The following AKAP13 variants were observed in gnomAD, a reference collection of about 807,000 sequenced individuals.
AKAP13 encodes A-kinase anchoring protein 13.
AKAP13 carries 80 observed loss-of-function variants against 264.5 expected under a neutral mutation model. The ratio of observed to expected loss-of-function variants is 0.30; its 90% confidence interval spans 0.25 to 0.36. The LOEUF (loss-of-function observed/expected upper bound fraction) is 0.36, where lower values mean the gene tolerates loss of function less well. Ranked by LOEUF, AKAP13 falls within the 10% of genes least tolerant of loss-of-function variation. The pLI is 1.00. For synonymous variants in AKAP13, 1,380 were observed against 1,250.2 expected (o/e 1.10, Z -2.19); for missense variants, 3,712 against 3,435.2 (o/e 1.08, Z -2.01).
rs146115074 is a variant in AKAP13, at chr15:85,543,936, C to G, written c.643C>G (p.Leu215Val). ...SLALERGYHK[L>V]HQLLTEENAG... ...GGCCTTGGAGCGAGGCTATCACAAG[C>G]TGCACCAGCTTCTAACCGAGTAAGT... Residue 215 changes from leucine to valine, a missense_variant, in exon 5 of 37, where the codon CTG becomes GTG. By Grantham distance (32) the Leu-to-Val change is conservative (BLOSUM62 1). This residue lies in a region of AKAP13 where 2,759 missense variants were observed against 2,411.7 expected (regional missense o/e 1.14). Coordinates refer to ENST00000394518, the MANE Select transcript of AKAP13 (RefSeq NM_007200.5). 5.0e-4 allele frequency: 805 copies of G among 1,612,866 alleles called. No homozygotes were observed. Among genetic ancestry groups the G allele is most frequent in the Non-Finnish European group, 6.1e-4 (721 of 1,179,034 alleles).
intron 23 of AKAP13, among the ~76,000 whole-genome samples, chr15:85,719,982 C>G (rs894399003): frequency 1.3e-5 from 2 of 151,822 alleles, no homozygotes; most frequent in Non-Finnish European, 2.9e-5. Flanking sequence ...CCTGTAATCC[C>G]AACAGTTCGG....
chr15:85,628,022 T>C (rs913772819), intron 8 of AKAP13, among the ~76,000 whole-genome samples: 1 of 152,216 alleles, frequency 6.6e-6, no homozygotes, highest in Non-Finnish European at 1.5e-5. Context: ...CTGGGGACTT[T>C]CTTTTGTGGA....
At position 85,613,691 on chromosome 15, in the gene AKAP13, A is replaced by AAAAAAT. The variant is rs1313187436; in HGVS notation, c.4162-25682_4162-25681insAAAATA. Among the ~76,000 whole-genome samples the AAAAAAT allele has an allele frequency of 3.8e-3, 351 of 91,956 alleles. 5 individuals are homozygous for AAAAAAT. The highest frequency in any genetic ancestry group is 5.8e-3 in the South Asian group (16 of 2,748). 60.3% of individuals were successfully genotyped at this position (91,956 alleles called of 152,430 possible). A position where few individuals can be genotyped will look rare whatever the true frequency, so the allele number is the denominator to read the frequency against. On this transcript the variant is annotated intron_variant, in intron 8 of 36. Transcript: ENST00000394518. ...GCCAGACTCCGTCTAAAAAAAAAAA[A>AAAAAAT]ATATATATATATATATATATATTAG...
At chr15:85,628,438 A>G (rs1467622247) in intron 8 of AKAP13, among the ~76,000 whole-genome samples, 2 of 152,182 alleles carry the variant, frequency 1.3e-5, no homozygotes, top group African/African-American at 2.4e-5. Context: ...GAAGCCCCGA[A>G]TTATCGGAAA....
intron 1 of AKAP13, among the ~76,000 whole-genome samples, chr15:85,417,762 T>C (rs998278753): frequency 3.3e-5 from 5 of 152,190 alleles, no homozygotes; most frequent in African/African-American, 1.2e-4. Flanking sequence ...ATTCTAGTTT[T>C]ACAGATGGAG....
intron 23 of AKAP13, among the ~76,000 whole-genome samples, chr15:85,720,965 A>G (rs1019758326): frequency 5.9e-5 from 9 of 152,230 alleles, no homozygotes; most frequent in African/African-American, 2.2e-4. Flanking sequence ...CAACAGATAG[A>G]GCTCAAAATT....
At chr15:85,670,277 G>C (rs1057199135) in intron 14 of AKAP13, among the ~76,000 whole-genome samples, 1 of 151,844 alleles carries the variant, frequency 6.6e-6, no homozygotes, top group Non-Finnish European at 1.5e-5. Flanking sequence ...TGAAACACTT[G>C]AGAGAATAAG....
intron 5 of AKAP13, among the ~76,000 whole-genome samples, chr15:85,560,129 A>T (rs1347282746): frequency 9.8e-4 from 2 of 2,050 alleles, no homozygotes; most frequent in East Asian, 0.023. Context: ...GTCTCCACCT[A>T]AAAAAAAAAA....
intron 4 of AKAP13, chr15:85,534,193 G>T: frequency 2.6e-6 from 1 of 383,910 alleles, no homozygotes; most frequent in Non-Finnish European, 4.6e-6. Flanking sequence ...GAGGAGAGTA[G>T]CAGAGTTACT....
In AKAP13 at chr15:85,521,419, C is replaced by G; in HGVS notation, c.34-9C>G. The G allele has an allele frequency of 6.2e-7, 1 of 1,612,864 alleles. No individual in the cohort carries two copies. The highest frequency in any genetic ancestry group is 8.5e-7 in the Non-Finnish European group (1 of 1,179,424). On this transcript the variant is annotated splice_polypyrimidine_tract_variant and intron_variant, in intron 2 of 36. Transcript: ENST00000394518. ...TAATGTAAACTTGCTATATTGTTTC[C>G]TTTCCTAGGGTGATTGTGTTGTTAC...
At chr15:85,604,460 C>T (rs1436429101) in intron 8 of AKAP13, among the ~76,000 whole-genome samples, 1 of 150,870 alleles carries the variant, frequency 6.6e-6, no homozygotes, top group Non-Finnish European at 1.5e-5. Context: ...GCTGCTGCTG[C>T]TGCTGCTTTT....
At chr15:85,382,613 T>G (rs2070343024) in intron 1 of AKAP13, among the ~76,000 whole-genome samples, 1 of 152,190 alleles carries the variant, frequency 6.6e-6, no homozygotes, top group South Asian at 2.1e-4. Flanking sequence ...CTCTGGGCGG[T>G]GATGGCATGT....
chr15:85,427,829 A>G (rs2072865251), intron 1 of AKAP13, among the ~76,000 whole-genome samples: 1 of 152,192 alleles, frequency 6.6e-6, no homozygotes, highest in Non-Finnish European at 1.5e-5. Context: ...CAGAGTTGCT[A>G]AGTTGATCTT....
In AKAP13 at chr15:85,727,584, G is replaced by C. The variant is rs918814488; in HGVS notation, c.7087+121G>C. 3.0e-5 allele frequency: 31 copies of C among 1,036,302 alleles called. No homozygotes were observed. The highest frequency in any genetic ancestry group is 2.2e-4 in the Middle Eastern group (1 of 4,464). The allele number at this position is 1,036,302 out of a possible 1,614,324, so 64.2% of individuals were successfully genotyped here. ...TCTAAAGCTGCCCCAGCAGGCACTT[G>C]AAAGCAGCAAAATGAATAGCTGTTA... On this transcript the variant is annotated intron_variant, in intron 29 of 36. Transcript: ENST00000394518. The surrounding 1 kb of genome is among the most constrained non-coding windows in gnomAD (Gnocchi z 5.3).
chr15:85,516,412 A>T (rs1383300512), intron 2 of AKAP13, among the ~76,000 whole-genome samples: 1 of 152,254 alleles, frequency 6.6e-6, no homozygotes, highest in African/African-American at 2.4e-5. Flanking sequence ...GTCAGAGATC[A>T]TCTTCTTAAT....
At chr15:85,572,739 A>G (rs1212658614) in intron 5 of AKAP13, among the ~76,000 whole-genome samples, 1 of 152,118 alleles carries the variant, frequency 6.6e-6, no homozygotes, top group Admixed American at 6.5e-5. Flanking sequence ...TTACATAGGT[A>G]TACACGTGCC....
intron 1 of AKAP13, among the ~76,000 whole-genome samples, chr15:85,473,927 G>T (rs900429162): frequency 1.3e-5 from 2 of 152,140 alleles, no homozygotes; most frequent in African/African-American, 4.8e-5. Context: ...CCTGACTTGG[G>T]ATAAGCAACA....
At chr15:85,733,108 G>C (rs761992782) in intron 30 of AKAP13, among the ~76,000 whole-genome samples, 1 of 152,098 alleles carries the variant, frequency 6.6e-6, no homozygotes, top group African/African-American at 2.4e-5. Context: ...TAGTCATGTG[G>C]ATATGTGAAG....
intron 1 of AKAP13, among the ~76,000 whole-genome samples, chr15:85,388,856 T>A (rs2070718531): frequency 1.3e-5 from 2 of 152,220 alleles, no homozygotes; most frequent in Admixed American, 1.3e-4. Flanking sequence ...AAATGTCAGA[T>A]GTCTCCTTGG....
Sources: gnomAD v4.1 joint callset for allele counts (sites outside exome capture counted in the v4.1 genomes callset) on GRCh38, gnomAD v4.1.1 for gene constraint, gnomAD v4.1.1 regional missense constraint, Gnocchi (gnomAD v3.1) non-coding constraint, MANE v1.5 for transcripts, NCBI Gene and HGNC (gene_info 2026-07-23, HGNC 2026-07-21) for gene names.